The following TMEM232 variants were observed in gnomAD, a reference collection of about 807,000 sequenced individuals.
TMEM232 encodes the protein transmembrane protein 232.
Under a neutral mutation model 78.8 loss-of-function variants are expected in TMEM232, and 80 were observed. The ratio of observed to expected loss-of-function variants is 1.01; its 90% CI spans 0.85 to 1.22. The LOEUF is 1.22. TMEM232 is among the 50% of genes most tolerant of loss of function. The probability of loss-of-function intolerance (pLI) is 0.00; values close to 1 mark genes in which losing one functional copy is unlikely to be tolerated. For missense variants in TMEM232, 881 were observed against 742.2 expected, an observed-to-expected ratio of 1.19 and a Z score of -2.17; for synonymous variants, 297 against 254.3, an observed-to-expected ratio of 1.17 and a Z score of -1.60.
intron 12 of TMEM232, among the ~76,000 whole-genome samples, chr5:110,490,191 A>AAGAAAG (rs1218732258): frequency 6.7e-6 from 1 of 149,208 alleles, no homozygotes; most frequent in Non-Finnish European, 1.5e-5. Flanking sequence ...GAAAGAAAGA[A>AAGAAAG]AAAGTTAATT....
At chr5:110,570,740 C>T (rs1244458847) in intron 10 of TMEM232, among the ~76,000 whole-genome samples, 1 of 151,922 alleles carries the variant, frequency 6.6e-6, no homozygotes, top group Non-Finnish European at 1.5e-5. Context: ...ATTACTAATC[C>T]ACGTTGTGGA....
intron 10 of TMEM232, among the ~76,000 whole-genome samples, chr5:110,589,123 T>C (rs973675726): frequency 1.3e-5 from 2 of 152,100 alleles, no homozygotes; most frequent in African/African-American, 4.8e-5. Flanking sequence ...TAAAGATATA[T>C]ATTATAAGTC....
At chr5:110,531,004 C>T (rs915477516) in intron 11 of TMEM232, among the ~76,000 whole-genome samples, 4 of 152,112 alleles carry the variant, frequency 2.6e-5, no homozygotes, top group East Asian at 1.9e-4. Flanking sequence ...TCCAGATGGC[C>T]GGTTCCAGCC....
chr5:110,427,253 G>A (rs538531831), intron 12 of TMEM232, among the ~76,000 whole-genome samples: 11 of 151,872 alleles, frequency 7.2e-5, no homozygotes, highest in East Asian at 3.9e-4. Context: ...TTCTTCATCC[G>A]TAATACTGAA....
At chr5:110,442,352 T>C (rs143177944) in intron 12 of TMEM232, among the ~76,000 whole-genome samples, 2,238 of 152,066 alleles carry the variant, frequency 0.015, 72 homozygotes, top group African/African-American at 0.051. Context: ...GATTTTCAAA[T>C]AGTCTGTTTT....
At chr5:110,429,609 A>G (rs559459279) in intron 12 of TMEM232, among the ~76,000 whole-genome samples, 6 of 151,852 alleles carry the variant, frequency 4.0e-5, no homozygotes, top group African/African-American at 1.4e-4. Flanking sequence ...TATTGTTTTT[A>G]TCTCAGGAAA....
intron 11 of TMEM232, among the ~76,000 whole-genome samples, chr5:110,543,262 G>C (rs137886865): frequency 6.6e-6 from 1 of 151,934 alleles, no homozygotes; most frequent in Non-Finnish European, 1.5e-5. Context: ...CCTCTTTCTC[G>C]GCAAAATGAA....
chr5:110,600,582 G>A (rs1780761451), intron 10 of TMEM232, among the ~76,000 whole-genome samples: 1 of 152,014 alleles, frequency 6.6e-6, no homozygotes, highest in Admixed American at 6.6e-5. Context: ...ATAAATTCCT[G>A]GACCCATACA....
At chr5:110,588,403 A>G (rs1779111415) in intron 10 of TMEM232, among the ~76,000 whole-genome samples, 1 of 152,184 alleles carries the variant, frequency 6.6e-6, no homozygotes, top group Non-Finnish European at 1.5e-5. Flanking sequence ...AATCCAGGCA[A>G]AGATGACAAC....
At chr5:110,631,694 C>G (rs1171406130) in intron 5 of TMEM232, among the ~76,000 whole-genome samples, 1 of 152,156 alleles carries the variant, frequency 6.6e-6, no homozygotes, top group Non-Finnish European at 1.5e-5. Flanking sequence ...ATGTGTACCA[C>G]TACAGTGCTG....
At chr5:110,594,662 T>C (rs905730197) in intron 10 of TMEM232, among the ~76,000 whole-genome samples, 1 of 152,148 alleles carries the variant, frequency 6.6e-6, no homozygotes, top group African/African-American at 2.4e-5. Flanking sequence ...TAGGCAGTTT[T>C]CCCCTCACAG....
intron 12 of TMEM232, among the ~76,000 whole-genome samples, chr5:110,527,769 G>T (rs1263864906): frequency 6.6e-6 from 1 of 151,806 alleles, no homozygotes; most frequent in African/African-American, 2.4e-5. Flanking sequence ...ATCAAAAAAT[G>T]AATTATTAAA....
intron 12 of TMEM232, among the ~76,000 whole-genome samples, chr5:110,512,373 G>T (rs1427891415): frequency 1.3e-5 from 2 of 152,166 alleles, no homozygotes; most frequent in African/African-American, 2.4e-5. Flanking sequence ...GTCACGAGCA[G>T]TAGTTCTAGA....
chr5:110,535,349 GA>G (rs1772186534), intron 11 of TMEM232, among the ~76,000 whole-genome samples: 1 of 151,980 alleles, frequency 6.6e-6, no homozygotes, highest in African/African-American at 2.4e-5. Flanking sequence ...GCCTGCCAGA[GA>G]ACAACCCCCC....
At chr5:110,667,640 C>A (rs1211249948) in intron 1 of TMEM232, 1 of 194,736 alleles carries the variant, frequency 5.1e-6, no homozygotes, top group African/African-American at 2.4e-5. Flanking sequence ...GGCATGGTAG[C>A]TAAGAGGATA....
chr5:110,710,163 G>C (rs767277130), intron 1 of TMEM232, among the ~76,000 whole-genome samples: 2 of 152,032 alleles, frequency 1.3e-5, no homozygotes, highest in Non-Finnish European at 2.9e-5. Context: ...AGAAAATCTA[G>C]AGGAAGTAAA....
chr5:110,450,443 TA>T lies in TMEM232; in HGVS notation c.1704-25528del, dbSNP rs1760143416. 2.6e-5 allele frequency among the ~76,000 whole-genome samples: 4 copies of T among 151,962 alleles called. 1 individual carries two copies. The South Asian group carries it at 8.3e-4, about 32-fold the overall frequency. On this transcript the variant is annotated intron_variant, in intron 12 of 13. Transcript: ENST00000455884. ...CCTGTACTTTTGAAATATAACCTCC[TA>T]AATTATCTCATTATCTTCAAATCTC...
intron 12 of TMEM232, among the ~76,000 whole-genome samples, chr5:110,505,217 A>AAAT (rs1229486371): frequency 1.3e-5 from 2 of 152,128 alleles, no homozygotes; most frequent in African/African-American, 4.8e-5. Flanking sequence ...ATACAAATAC[A>AAAT]AGAAGGACAC....
chr5:110,638,302 G>C lies in TMEM232; in HGVS notation c.397C>G (p.His133Asp), dbSNP rs1457897984. 6.4e-7 allele frequency: 1 copy of C among 1,550,878 alleles called. No homozygotes were observed. The highest frequency in any genetic ancestry group is 2.0e-5 in the Admixed American group (1 of 50,966). ...GCAACAAAAAATAAGGCAGGCAGAT[G>C]ATCATAATCAAAGGAAGCATGGTCC... ...SLDHASFDYD[H>D]LPALFFVAES... The change falls in exon 5 of 14, where the codon CAT (histidine) becomes GAT (aspartate). Residue 133 changes from histidine (H) to aspartate (D), a missense_variant. His to Asp is a moderately conservative substitution (Grantham distance 81). Coordinates refer to ENST00000455884, the MANE Select transcript of TMEM232 (RefSeq NM_001039763.4).
Sources: gnomAD v4.1 joint callset for allele counts (sites outside exome capture counted in the v4.1 genomes callset) on GRCh38, gnomAD v4.1.1 for gene constraint, MANE v1.5 for transcripts, NCBI Gene and HGNC (gene_info 2026-07-23, HGNC 2026-07-21) for gene names.